Variants in MTF2 observed in about 807,000 individuals in gnomAD.
The protein encoded by MTF2 is metal-response element-binding transcription factor 2.
Under a neutral mutation model 79.5 loss-of-function variants are expected in MTF2, and 11 were observed. That is an observed-to-expected ratio of 0.14 (90% CI 0.09 to 0.23). The LOEUF (loss-of-function observed/expected upper bound fraction) is 0.23. MTF2 is among the 10% of genes least tolerant of loss of function. The pLI is 1.00. For synonymous variants in MTF2, 208 were observed against 232.8 expected, an observed-to-expected ratio of 0.89 and a Z score of 0.97; for missense variants, 486 against 711.2, an observed-to-expected ratio of 0.68 and a Z score of 3.60.
chr1:93,110,678 T>G, intron 3 of MTF2, 52 bp downstream of exon 3: 1 of 1,393,512 alleles, frequency 7.2e-7, no homozygotes, highest in Non-Finnish European at 1.0e-6. Context: ...TTTGATTTTC[T>G]TCAACTTGTC....
At chr1:93,134,423 T>C in intron 14 of MTF2, 2 of 495,414 alleles carry the variant, frequency 4.0e-6, no homozygotes, top group East Asian at 3.5e-5. Flanking sequence ...GGAAATTTGC[T>C]GTGTACACAG....
intron 11 of MTF2, among the ~76,000 whole-genome samples, chr1:93,130,652 T>G (rs1262819539): frequency 6.6e-6 from 1 of 152,068 alleles, no homozygotes; most frequent in Non-Finnish European, 1.5e-5. Flanking sequence ...CAGGAGAAAA[T>G]TAACACTCAA....
intron 6 of MTF2, among the ~76,000 whole-genome samples, chr1:93,116,129 C>T (rs936110939): frequency 1.3e-5 from 2 of 152,208 alleles, no homozygotes; most frequent in African/African-American, 4.8e-5. Context: ...ATGATCATAG[C>T]TCACTGCAGC....
intron 3 of MTF2, among the ~76,000 whole-genome samples, chr1:93,114,364 A>G (rs1176052571): frequency 6.6e-6 from 1 of 152,238 alleles, no homozygotes; most frequent in Non-Finnish European, 1.5e-5. Context: ...AACCTTCTCT[A>G]TCTGCTGTCG....
chr1:93,117,532 A>T (rs1387482076), intron 6 of MTF2, among the ~76,000 whole-genome samples: 1 of 152,248 alleles, frequency 6.6e-6, no homozygotes, highest in African/African-American at 2.4e-5. Context: ...AGAGTCTTAG[A>T]TTAGATTTAT....
chr1:93,113,763 CT>C (rs1364290695), intron 3 of MTF2, among the ~76,000 whole-genome samples: 1 of 152,090 alleles, frequency 6.6e-6, no homozygotes, highest in Non-Finnish European at 1.5e-5. Context: ...GGGTTAGTTA[CT>C]TTGTCTGAGC....
At chr1:93,083,477 A>T (rs1654700638) in intron 1 of MTF2, among the ~76,000 whole-genome samples, 2 of 152,214 alleles carry the variant, frequency 1.3e-5, no homozygotes, top group African/African-American at 4.8e-5. Context: ...GTTGATGGAC[A>T]TTTGGGTTGT....
At chr1:93,117,570 G>A (rs563163597) in intron 6 of MTF2, among the ~76,000 whole-genome samples, 28 of 152,156 alleles carry the variant, frequency 1.8e-4, no homozygotes, top group Non-Finnish European at 2.9e-4. Flanking sequence ...TTATTAAATC[G>A]TTATATTCTT....
Position 93,110,622 on chromosome 1 carries a change from A to G in MTF2, c.282A>G (p.Gln94=). ...CCTGGGTTCTCTGGAAGGACATTCA[A>G]ACAGGCAGGTGCTACTATTTCTCTT... ...SKSWVLWKDI[Q]TGATGSGEMV... is the part of the protein sequence containing the mutation. The change falls in exon 3 of 15, where the codon CAA becomes CAG. Residue 94 remains glutamine (Q), a synonymous_variant. Coordinates refer to ENST00000370298, the MANE Select transcript of MTF2 (RefSeq NM_007358.4). 6.2e-7 allele frequency: 1 copy of G among 1,607,092 alleles called. No individual in the cohort carries two copies. The highest frequency in any genetic ancestry group is 8.5e-7 in the Non-Finnish European group (1 of 1,174,124).
intron 14 of MTF2, among the ~76,000 whole-genome samples, chr1:93,135,800 G>A (rs920086446): frequency 6.6e-6 from 1 of 152,216 alleles, no homozygotes; most frequent in Non-Finnish European, 1.5e-5. Flanking sequence ...AACAGAGTGA[G>A]ACCTTGTCTC....
rs111973268 is a variant in MTF2, at chr1:93,095,655, C to CT, written c.6-14557dup. Reference sequence around the variant, plus strand: ...CACCCTGCCTGGCTATTTCTCTGTTCTTTTTTTTTTTTTTTTTTGAGATGG... The same window carrying CT: ...CACCCTGCCTGGCTATTTCTCTGTTCTTTTTTTTTTTTTTTTTTTGAGATGG... On this transcript the variant is annotated intron_variant, in intron 1 of 14. Coordinates refer to ENST00000370298, the MANE Select transcript of MTF2 (RefSeq NM_007358.4). Among the ~76,000 whole-genome samples, 1,026 of 118,724 alleles carry CT rather than the reference C, an allele frequency of 8.6e-3. 9 individuals carry two copies. The highest frequency in any genetic ancestry group is 0.017 in the Middle Eastern group (3 of 176). The allele number at this position is 118,724 out of a possible 152,430, so 77.9% of individuals were successfully genotyped here. A position where few individuals can be genotyped will look rare whatever the true frequency, so the allele number is the denominator to read the frequency against.
chr1:93,123,208 T>C (rs1364551002), intron 9 of MTF2, among the ~76,000 whole-genome samples: 1 of 148,352 alleles, frequency 6.7e-6, no homozygotes, highest in Non-Finnish European at 1.5e-5. Context: ...CATCAGCTCT[T>C]TCTTTTTTTT....
intron 9 of MTF2, among the ~76,000 whole-genome samples, chr1:93,126,507 C>T (rs780162077): frequency 6.6e-6 from 1 of 151,376 alleles, no homozygotes; most frequent in Non-Finnish European, 1.5e-5. Flanking sequence ...GTGTTTGTAG[C>T]ATTAATTCAG....
At chr1:93,086,604 G>A (rs1210188461) in intron 1 of MTF2, among the ~76,000 whole-genome samples, 4 of 151,950 alleles carry the variant, frequency 2.6e-5, no homozygotes, top group African/African-American at 4.8e-5. Flanking sequence ...ATAATTGATA[G>A]GCAGCCCCGG....
chr1:93,136,613 TG>T, intron 14 of MTF2, 56 bp from the exon 15 acceptor site: 2 of 1,340,258 alleles, frequency 1.5e-6, no homozygotes, highest in Non-Finnish European at 2.1e-6. Context: ...ACATATTGTA[TG>T]GGCATAGGAT....
At chr1:93,079,801 G>A (rs950722821) in intron 1 of MTF2, among the ~76,000 whole-genome samples, 1 of 151,844 alleles carries the variant, frequency 6.6e-6, no homozygotes, top group Admixed American at 6.6e-5. Context: ...CGTTGAGACG[G>A]GGAAGCTGTG....
At chr1:93,117,487 A>G (rs1266903203) in intron 6 of MTF2, among the ~76,000 whole-genome samples, 1 of 152,244 alleles carries the variant, frequency 6.6e-6, no homozygotes, top group Non-Finnish European at 1.5e-5. Flanking sequence ...ACATTGAAAT[A>G]TAGCTAAACC....
chr1:93,130,326 C>T (rs1290858708), intron 11 of MTF2, among the ~76,000 whole-genome samples: 5 of 152,142 alleles, frequency 3.3e-5, no homozygotes, highest in African/African-American at 1.2e-4. Context: ...ACCTGTAATC[C>T]TAGCACTTTG....
intron 1 of MTF2, among the ~76,000 whole-genome samples, chr1:93,080,068 A>C (rs1325381055): frequency 1.3e-5 from 2 of 152,058 alleles, no homozygotes. Context: ...TAAGGGGAAC[A>C]CACTGAAGTG....
Sources: allele counts gnomAD v4.1 joint callset (sites outside exome capture counted in the v4.1 genomes callset), GRCh38; gene constraint gnomAD v4.1.1; transcripts MANE v1.5; gene names NCBI Gene and HGNC (gene_info 2026-07-23, HGNC 2026-07-21).